Variants in SEPTIN10 observed in about 807,000 individuals in gnomAD.
The protein encoded by SEPTIN10 is septin 10.
SEPTIN10 carries 66 observed loss-of-function variants against 54.8 expected under a neutral mutation model. That is an observed-to-expected ratio of 1.21 (90% confidence interval 0.99 to 1.48). The LOEUF (loss-of-function observed/expected upper bound fraction) is 1.48, where lower values mean the gene tolerates loss of function less well. SEPTIN10 is among the 40% of genes most tolerant of loss of function. The pLI, the probability that SEPTIN10 is intolerant of heterozygous loss-of-function variation, is 0.00. For missense variants in SEPTIN10, 620 were observed against 545.6 expected, an observed-to-expected ratio of 1.14 and a Z score of -1.36; for synonymous variants, 161 against 181.0, an observed-to-expected ratio of 0.89 and a Z score of 0.89.
intron 9 of SEPTIN10, among the ~76,000 whole-genome samples, chr2:109,548,980 C>T (rs771915523): frequency 3.9e-5 from 6 of 152,056 alleles, no homozygotes; most frequent in African/African-American, 7.2e-5. Context: ...AACAGATAAT[C>T]GATTAAGGCC....
rs777540000 is a variant in SEPTIN10 at position 109,585,110 on chromosome 2, A to G, written c.413+16T>C. The G allele has an allele frequency of 9.4e-6, 14 of 1,486,126 alleles. No individual in the cohort carries two copies. The highest frequency in any genetic ancestry group is 1.3e-5 in the Non-Finnish European group (14 of 1,108,854). The allele number at this position is 1,486,126 out of a possible 1,614,324, so 92.1% of individuals were successfully genotyped here. A position where few individuals can be genotyped will look rare whatever the true frequency, so the allele number is the denominator to read the frequency against. On this transcript the variant is annotated intron_variant, in intron 4 of 10. Coordinates refer to ENST00000397712, the MANE Select transcript of SEPTIN10 (RefSeq NM_144710.5). The stretch of plus-strand genomic sequence containing the variant: ...AATAAGAAAAACTTGTTTTATTACA[A>G]GAAGAAAACACATACCTCTCTTCTT...
intron 1 of SEPTIN10, among the ~76,000 whole-genome samples, chr2:109,599,273 C>T (rs768526588): frequency 2.0e-5 from 3 of 152,064 alleles, no homozygotes; most frequent in Non-Finnish European, 4.4e-5. Flanking sequence ...GCCTGGCCAA[C>T]ATGGTGAAAC....
In SEPTIN10 at chr2:109,585,146, G is replaced by T. The variant is rs940884936; in HGVS notation, c.393C>A (p.Asp131Glu). Residue 131 changes from aspartate to glutamate, a missense_variant, in exon 4 of 11, where the codon GAC becomes GAA. Asp to Glu is a conservative substitution (Grantham distance 45). Transcript: ENST00000397712. ...CATACCTCTCTTCTTTATTTATTTG[G>T]TCACCAAATCCCACTGTATTCACAA... Reference protein sequence around the residue: ...LTIVNTVGFGDQINKEESYQP... With the variant: ...LTIVNTVGFGEQINKEESYQP... 6.3e-7 allele frequency: 1 copy of T among 1,575,680 alleles called. No homozygotes were observed. Among genetic ancestry groups the T allele is most frequent in the Non-Finnish European group, 8.6e-7 (1 of 1,163,120 alleles).
chr2:109,600,521 A>T (rs1424354554), intron 1 of SEPTIN10, among the ~76,000 whole-genome samples: 17 of 151,816 alleles, frequency 1.1e-4, no homozygotes, highest in Non-Finnish European at 2.1e-4. Flanking sequence ...TTATATTTCT[A>T]ATATTAGCAA....
At chr2:109,596,314 G>A (rs542361616) in intron 1 of SEPTIN10, among the ~76,000 whole-genome samples, 8 of 152,184 alleles carry the variant, frequency 5.3e-5, no homozygotes, top group Non-Finnish European at 1.0e-4. Flanking sequence ...AATTTGCTTA[G>A]AAAAAAATTA....
chr2:109,609,178 A>T (rs527385041), intron 1 of SEPTIN10, among the ~76,000 whole-genome samples: 1 of 152,354 alleles, frequency 6.6e-6, no homozygotes, highest in South Asian at 2.1e-4. Context: ...ATTAGAACAT[A>T]AGTGTAGATG....
chr2:109,613,116 T>C (rs1359240454), intron 1 of SEPTIN10: 6 of 1,203,850 alleles, frequency 5.0e-6, no homozygotes, highest in South Asian at 2.5e-5. Context: ...CCATACCATG[T>C]AGCCTTTGGA....
intron 8 of SEPTIN10, among the ~76,000 whole-genome samples, chr2:109,554,884 G>T (rs1278690890): frequency 6.6e-6 from 1 of 152,116 alleles, no homozygotes; most frequent in Non-Finnish European, 1.5e-5. Flanking sequence ...ACTGTATGTA[G>T]AAACTTGGAA....
chr2:109,582,974 T>C (rs1691583564), intron 4 of SEPTIN10, among the ~76,000 whole-genome samples: 1 of 152,180 alleles, frequency 6.6e-6, no homozygotes, highest in Non-Finnish European at 1.5e-5. Flanking sequence ...TGGCTAGCCA[T>C]ATGCAGAAGA....
intron 4 of SEPTIN10, among the ~76,000 whole-genome samples, chr2:109,577,238 AT>A (rs749354628): frequency 1.4e-4 from 22 of 152,336 alleles, no homozygotes; most frequent in Non-Finnish European, 2.6e-4. Context: ...CGACACAGAA[AT>A]TTTTGGTTAA....
intron 9 of SEPTIN10, among the ~76,000 whole-genome samples, chr2:109,549,500 A>G (rs1039931683): frequency 1.3e-5 from 2 of 152,216 alleles, no homozygotes; most frequent in Non-Finnish European, 2.9e-5. Flanking sequence ...TTCCATACAC[A>G]TGAAGCATGC....
intron 8 of SEPTIN10, among the ~76,000 whole-genome samples, chr2:109,561,526 C>G (rs879767935): frequency 6.6e-6 from 1 of 152,118 alleles, no homozygotes; most frequent in Non-Finnish European, 1.5e-5. Context: ...AAGATTTTAC[C>G]CAGTATTATT....
At chr2:109,608,420 G>A (rs1698502046) in intron 1 of SEPTIN10, among the ~76,000 whole-genome samples, 1 of 152,194 alleles carries the variant, frequency 6.6e-6, no homozygotes. Context: ...CACACAGAGG[G>A]CAGGATAAAC....
At chr2:109,544,648 TG>T in intron 10 of SEPTIN10, 1 of 925,314 alleles carries the variant, frequency 1.1e-6, no homozygotes, top group African/African-American at 1.8e-5. Context: ...TGGGTTAAGA[TG>T]AAAGGAAAAA....
chr2:109,606,340 G>A (rs746887720), intron 1 of SEPTIN10, among the ~76,000 whole-genome samples: 16 of 152,090 alleles, frequency 1.1e-4, no homozygotes, highest in Admixed American at 2.6e-4. Flanking sequence ...GTTTGAACCC[G>A]GGAGGCAGAG....
chr2:109,546,745 T>C (rs1030160898), intron 9 of SEPTIN10, among the ~76,000 whole-genome samples: 10 of 152,202 alleles, frequency 6.6e-5, no homozygotes, highest in African/African-American at 2.4e-4. Flanking sequence ...CTGTATTCTA[T>C]TTTTCCATAG....
At chr2:109,565,921 AT>A in intron 6 of SEPTIN10, 62 bp from the exon 7 acceptor site, 2 of 1,348,780 alleles carry the variant, frequency 1.5e-6, no homozygotes, top group Non-Finnish European at 2.1e-6. Flanking sequence ...GATAAAATAA[AT>A]TTTATGTGAG....
intron 1 of SEPTIN10, 143 bp downstream of exon 1, chr2:109,613,655 G>A: frequency 1.9e-6 from 1 of 530,316 alleles, no homozygotes; most frequent in Non-Finnish European, 2.8e-6. Context: ...CGCCGCGGAA[G>A]CCGGGGAGCA....
chr2:109,600,217 C>T (rs1011873104), intron 1 of SEPTIN10, among the ~76,000 whole-genome samples: 7 of 152,148 alleles, frequency 4.6e-5, no homozygotes, highest in South Asian at 2.1e-4. Flanking sequence ...TTTCCTTGCA[C>T]GGCTATTAAG....
Sources: allele counts gnomAD v4.1 joint callset (sites outside exome capture counted in the v4.1 genomes callset), GRCh38; gene constraint gnomAD v4.1.1; transcripts MANE v1.5; gene names NCBI Gene and HGNC (gene_info 2026-07-23, HGNC 2026-07-21).